HSDL2: variants seen among roughly 807,000 people sequenced by gnomAD.
HSDL2 encodes the protein hydroxysteroid dehydrogenase like 2.
HSDL2 carries 27 observed loss-of-function variants against 46.3 expected under a neutral mutation model. The ratio of observed to expected loss-of-function variants is 0.58; its 90% CI spans 0.43 to 0.80. HSDL2 has a LOEUF of 0.80. Among genes scored for constraint, HSDL2 ranks in the 30% least tolerant of loss-of-function variants. The pLI is 0.00. For missense variants in HSDL2, 451 were observed against 502.7 expected, an observed-to-expected ratio of 0.90 and a Z score of 0.98; for synonymous variants, 153 against 163.6, an observed-to-expected ratio of 0.94 and a Z score of 0.50.
intron 1 of HSDL2, among the ~76,000 whole-genome samples, chr9:112,381,639 C>G (rs1831099431): frequency 6.6e-6 from 1 of 152,282 alleles, no homozygotes; most frequent in South Asian, 2.1e-4. Flanking sequence ...CAGGCGTAAG[C>G]CACTGCGCCT....
At chr9:112,444,685 C>G (rs1306423860) in intron 8 of HSDL2, among the ~76,000 whole-genome samples, 1 of 151,540 alleles carries the variant, frequency 6.6e-6, no homozygotes, top group Non-Finnish European at 1.5e-5. Context: ...TTGTAATGAG[C>G]TATGATCAAG....
At chr9:112,439,682 A>G (rs1336106681) in intron 7 of HSDL2, among the ~76,000 whole-genome samples, 3 of 152,258 alleles carry the variant, frequency 2.0e-5, no homozygotes, top group African/African-American at 7.2e-5. Flanking sequence ...AGTTCAAACT[A>G]AAGTAAATAG....
chr9:112,392,430 A>G (rs1233241175), intron 1 of HSDL2, among the ~76,000 whole-genome samples: 2 of 152,222 alleles, frequency 1.3e-5, no homozygotes, highest in Non-Finnish European at 2.9e-5. Context: ...AGGGCACTGC[A>G]GGAGACCAGA....
chr9:112,383,218 C>T (rs768369173), intron 1 of HSDL2, among the ~76,000 whole-genome samples: 9 of 151,962 alleles, frequency 5.9e-5, no homozygotes, highest in Middle Eastern at 3.4e-3. Flanking sequence ...GGATTACAGG[C>T]GCACACCACC....
At chr9:112,395,077 G>T (rs1831427589) in intron 1 of HSDL2, among the ~76,000 whole-genome samples, 1 of 152,210 alleles carries the variant, frequency 6.6e-6, no homozygotes, top group Non-Finnish European at 1.5e-5. Context: ...GGAGGAGGAA[G>T]AGAAGAACAG....
intron 1 of HSDL2, among the ~76,000 whole-genome samples, chr9:112,398,228 TTGAA>T (rs958657503): frequency 5.3e-5 from 8 of 151,770 alleles, no homozygotes; most frequent in Non-Finnish European, 7.4e-5. Context: ...GAGAAGCAGG[TTGAA>T]TGGATGGCAA....
chr9:112,399,979 ACAGG>A (rs1831552530), intron 1 of HSDL2, among the ~76,000 whole-genome samples: 1 of 152,226 alleles, frequency 6.6e-6, no homozygotes, highest in South Asian at 2.1e-4. Flanking sequence ...TAAAGTAAAG[ACAGG>A]CATAAGAAAT....
At chr9:112,433,683 G>A (rs1832457243) in intron 6 of HSDL2, 1 of 152,168 alleles carries the variant, frequency 6.6e-6, no homozygotes, top group South Asian at 2.1e-4. Flanking sequence ...TTGAGAGGGT[G>A]TTCAGGCTCT....
At chr9:112,435,089 T>C (rs1463848571) in intron 6 of HSDL2, among the ~76,000 whole-genome samples, 1 of 152,230 alleles carries the variant, frequency 6.6e-6, no homozygotes, top group South Asian at 2.1e-4. Flanking sequence ...CTTGTTGGCA[T>C]TGCAAAATCT....
intron 1 of HSDL2, among the ~76,000 whole-genome samples, chr9:112,402,412 A>G (rs939567250): frequency 6.6e-6 from 1 of 152,034 alleles, no homozygotes; most frequent in Non-Finnish European, 1.5e-5. Context: ...TTAAAAAGTA[A>G]CTGGGTATGG....
In HSDL2 at chr9:112,412,131, T is replaced by G. The variant is rs75474667; in HGVS notation, c.395+3110T>G. On this transcript the variant is annotated intron_variant, in intron 4 of 10. Coordinates refer to ENST00000398805, the MANE Select transcript of HSDL2 (RefSeq NM_032303.5). ...TCAAAAGAAATGCTCTTTGGAACAT[T>G]AAGGATTTCAAATTTTTGGAGTAGT... Among the ~76,000 whole-genome samples the G allele has an allele frequency of 3.9e-5, 6 of 152,300 alleles. No homozygotes were observed. The East Asian group carries it at 1.2e-3, about 29-fold the overall frequency.
intron 1 of HSDL2, among the ~76,000 whole-genome samples, chr9:112,400,962 A>G (rs1831577230): frequency 6.6e-6 from 1 of 152,186 alleles, no homozygotes. Context: ...CCTGGTTCCA[A>G]CTGAGGTCAC....
At chr9:112,394,548 ATT>A (rs1280217918) in intron 1 of HSDL2, among the ~76,000 whole-genome samples, 2 of 152,176 alleles carry the variant, frequency 1.3e-5, no homozygotes, top group East Asian at 3.8e-4. Flanking sequence ...ATCTTCCTAA[ATT>A]AAAGTTTTAG....
At chr9:112,410,975 C>G (rs1028794786) in intron 4 of HSDL2, among the ~76,000 whole-genome samples, 2 of 152,114 alleles carry the variant, frequency 1.3e-5, no homozygotes, top group African/African-American at 4.8e-5. Flanking sequence ...AAGATTTATA[C>G]AAAAGTCCAG....
intron 10 of HSDL2, among the ~76,000 whole-genome samples, chr9:112,467,895 T>C (rs560188095): frequency 6.6e-6 from 1 of 152,342 alleles, no homozygotes; most frequent in Admixed American, 6.5e-5. Context: ...TCTCCTGCAC[T>C]GAATCTCCTG....
intron 1 of HSDL2, among the ~76,000 whole-genome samples, chr9:112,384,810 A>G (rs1472406961): frequency 6.6e-6 from 1 of 151,140 alleles, no homozygotes; most frequent in Non-Finnish European, 1.5e-5. Context: ...TTACAGTGAC[A>G]AATCACGTAA....
intron 1 of HSDL2, among the ~76,000 whole-genome samples, chr9:112,398,661 C>T (rs80151516): frequency 0.013 from 1,991 of 152,054 alleles, 73 homozygotes; most frequent in East Asian, 0.1. Flanking sequence ...CAGGGGGTTA[C>T]AGGATTGGTA....
intron 6 of HSDL2, among the ~76,000 whole-genome samples, chr9:112,436,734 T>C (rs1832532356): frequency 1.3e-5 from 2 of 152,008 alleles, no homozygotes; most frequent in Non-Finnish European, 2.9e-5. Flanking sequence ...TGATGTAAAC[T>C]AGGATATATG....
At chr9:112,462,362 G>C (rs908486397) in intron 10 of HSDL2, among the ~76,000 whole-genome samples, 14 of 151,828 alleles carry the variant, frequency 9.2e-5, no homozygotes, top group African/African-American at 3.4e-4. Flanking sequence ...TCCTCAGGAG[G>C]CTAAGGCATA....
Sources: gnomAD v4.1 joint callset for allele counts (sites outside exome capture counted in the v4.1 genomes callset) on GRCh38, gnomAD v4.1.1 for gene constraint, MANE v1.5 for transcripts, NCBI Gene and HGNC (gene_info 2026-07-23, HGNC 2026-07-21) for gene names.